RERE: variants seen among roughly 807,000 people sequenced by gnomAD.
The protein encoded by RERE is arginine-glutamic acid dipeptide repeats protein.
Under a neutral mutation model 146.1 loss-of-function variants are expected in RERE, and 40 were observed. The ratio of observed to expected loss-of-function variants is 0.27; its 90% CI spans 0.21 to 0.36. RERE has a LOEUF of 0.36. Ranked by LOEUF, RERE falls within the 10% of genes least tolerant of loss-of-function variation. The pLI, the probability that RERE is intolerant of heterozygous loss-of-function variation, is 1.00. For synonymous variants in RERE, 1,003 were observed against 866.0 expected, an observed-to-expected ratio of 1.16 and a Z score of -2.78; for missense variants, 1,933 against 2,138.7, an observed-to-expected ratio of 0.90 and a Z score of 1.90.
chr1:8,601,186 T>C (rs916556869), intron 4 of RERE, among the ~76,000 whole-genome samples: 1 of 151,622 alleles, frequency 6.6e-6, no homozygotes, highest in Non-Finnish European at 1.5e-5. Flanking sequence ...TGCCCGGCTG[T>C]TTTGTATTTT....
chr1:8,566,473 A>G (rs1646153823), intron 4 of RERE, among the ~76,000 whole-genome samples: 1 of 151,786 alleles, frequency 6.6e-6, no homozygotes, highest in African/African-American at 2.4e-5. Context: ...TACAAAAATT[A>G]GCCGGGTGTG....
At chr1:8,511,044 G>A (rs138444881) in intron 7 of RERE, among the ~76,000 whole-genome samples, 15 of 152,040 alleles carry the variant, frequency 9.9e-5, no homozygotes, top group South Asian at 4.2e-4. Context: ...ATGAGCCACC[G>A]CACTCACCGC....
intron 11 of RERE, chr1:8,425,580 A>G (rs1408394042): frequency 6.6e-6 from 1 of 152,266 alleles, no homozygotes; most frequent in Non-Finnish European, 1.5e-5. Flanking sequence ...GGTGGGTTAC[A>G]GGGGACAGTC....
chr1:8,801,441 G>GT (rs1641590456), intron 1 of RERE, among the ~76,000 whole-genome samples: 1 of 151,950 alleles, frequency 6.6e-6, no homozygotes, highest in South Asian at 2.1e-4. Context: ...GGCTAATTTT[G>GT]TAATTTTAGT....
chr1:8,612,790 G>T (rs1246259350), intron 4 of RERE, among the ~76,000 whole-genome samples: 1 of 152,150 alleles, frequency 6.6e-6, no homozygotes, highest in Non-Finnish European at 1.5e-5. Context: ...AATTGCTAAA[G>T]GCTGAAGCTT....
At position 8,423,012 on chromosome 1, in the gene RERE, T is replaced by TC. The variant is rs1232523129; in HGVS notation, c.1204-206dup. On this transcript the variant is annotated intron_variant, in intron 11 of 22. Coordinates refer to ENST00000400908, the MANE Select transcript of RERE (RefSeq NM_001042681.2). This position sits in a 1 kb window ranked among gnomAD's most constrained non-coding sequence, Gnocchi z 5.4. ...CCAGCTACCTTCATCAGAACCCCAA[T>TC]CCCACCCACCACGCAGGGCAGCGCG... 6.6e-6 allele frequency among the ~76,000 whole-genome samples: 1 copy of TC among 151,842 alleles called. No individual in the cohort carries two copies. Among genetic ancestry groups the TC allele is most frequent in the African/African-American group, 2.4e-5 (1 of 41,316 alleles).
At chr1:8,624,261 A>T in intron 3 of RERE, 49 bp downstream of exon 3, 1 of 1,397,090 alleles carries the variant, frequency 7.2e-7, no homozygotes, top group Non-Finnish European at 1.0e-6. Context: ...ATGGAACTGG[A>T]AAAAGAGAGA....
chr1:8,481,068 G>A (rs1644827616), intron 10 of RERE, among the ~76,000 whole-genome samples: 1 of 152,206 alleles, frequency 6.6e-6, no homozygotes, highest in South Asian at 2.1e-4. Context: ...GTGGCATGAA[G>A]GATTTCTGAT....
At chr1:8,637,721 G>A (rs1252819704) in intron 2 of RERE, among the ~76,000 whole-genome samples, 1 of 152,130 alleles carries the variant, frequency 6.6e-6, no homozygotes, top group Non-Finnish European at 1.5e-5. Flanking sequence ...CTGTTCTATT[G>A]ACACAACATT....
chr1:8,804,753 CAA>C (rs34648228), intron 1 of RERE, among the ~76,000 whole-genome samples: 2 of 151,800 alleles, frequency 1.3e-5, no homozygotes, highest in African/African-American at 4.8e-5. Flanking sequence ...CCACCTCTGA[CAA>C]AAAGGAAAGA....
At chr1:8,688,766 C>T (rs1639145095) in intron 1 of RERE, among the ~76,000 whole-genome samples, 1 of 152,178 alleles carries the variant, frequency 6.6e-6, no homozygotes, top group Non-Finnish European at 1.5e-5. Flanking sequence ...AGATATCCAA[C>T]ACTTTCTTAT....
intron 1 of RERE, among the ~76,000 whole-genome samples, chr1:8,795,878 A>C (rs1439560510): frequency 6.7e-6 from 1 of 150,072 alleles, no homozygotes; most frequent in Non-Finnish European, 1.5e-5. Context: ...ACTACTCAGG[A>C]GGCTGAGGCA....
chr1:8,372,506 T>TGGTGTGTGTGTGTG (rs1467855807), intron 12 of RERE, among the ~76,000 whole-genome samples: 2 of 43,934 alleles, frequency 4.6e-5, no homozygotes, highest in East Asian at 5.5e-3. Context: ...TACCATCAGG[T>TGGTGTGTGTGTGTG]CGTGTGTGTG....
At chr1:8,517,073 C>A (rs751911996) in intron 7 of RERE, among the ~76,000 whole-genome samples, 1 of 152,120 alleles carries the variant, frequency 6.6e-6, no homozygotes, top group Non-Finnish European at 1.5e-5. Flanking sequence ...CAGAACTACA[C>A]GCACACAATC....
chr1:8,736,594 A>T (rs974149406), intron 1 of RERE, among the ~76,000 whole-genome samples: 1 of 152,178 alleles, frequency 6.6e-6, no homozygotes, highest in Admixed American at 6.5e-5. Flanking sequence ...CTTCAAAACA[A>T]TCCCCAAATT....
intron 20 of RERE, 67 bp downstream of exon 20, chr1:8,358,129 C>T: frequency 6.6e-7 from 1 of 1,526,408 alleles, no homozygotes; most frequent in Middle Eastern, 2.1e-4. Context: ...TGGATGGTGA[C>T]TGTCACTCAT....
chr1:8,755,367 C>A (rs1640614729), intron 1 of RERE, among the ~76,000 whole-genome samples: 1 of 152,210 alleles, frequency 6.6e-6, no homozygotes. Flanking sequence ...AACCACAAAA[C>A]TAAAAATCCA....
Position 8,558,885 on chromosome 1 carries a change from T to TC in RERE, c.523-1363dup, listed in dbSNP as rs565554031. On this transcript the variant is annotated intron_variant, in intron 4 of 22. Coordinates refer to ENST00000400908, the MANE Select transcript of RERE (RefSeq NM_001042681.2). ...ATCTCGGCTCACTGCAACCTCCACC[T>TC]CCTAGGTTCAAACGATTCTCCTGCC... Among the ~76,000 whole-genome samples the TC allele has an allele frequency of 2.7e-5, 4 of 147,988 alleles. No individual in the cohort carries two copies. The South Asian group carries it at 8.9e-4, about 33-fold the overall frequency.
At chr1:8,388,541 G>A (rs530332448) in intron 12 of RERE, among the ~76,000 whole-genome samples, 2 of 151,878 alleles carry the variant, frequency 1.3e-5, no homozygotes, top group African/African-American at 2.4e-5. Context: ...GGATGGTCTC[G>A]ATCTCCTGAC....
Sources: gnomAD v4.1 joint callset for allele counts (sites outside exome capture counted in the v4.1 genomes callset) on GRCh38, gnomAD v4.1.1 for gene constraint, Gnocchi (gnomAD v3.1) non-coding constraint, MANE v1.5 for transcripts, NCBI Gene and HGNC (gene_info 2026-07-23, HGNC 2026-07-21) for gene names.